The following RSAD1 variants were observed in gnomAD, a reference collection of about 807,000 sequenced individuals.
RSAD1 encodes radical S-adenosyl methionine domain-containing protein 1, mitochondrial.
Under a neutral mutation model 46.2 loss-of-function variants are expected in RSAD1, and 34 were observed. That is an observed-to-expected ratio of 0.74 (90% CI 0.56 to 0.98). The LOEUF is 0.98. RSAD1 is among the 50% of genes least tolerant of loss of function. The pLI, the probability that RSAD1 is intolerant of heterozygous loss-of-function variation, is 0.00. For synonymous variants in RSAD1, 260 were observed against 253.5 expected, an observed-to-expected ratio of 1.03 and a Z score of -0.24; for missense variants, 635 against 592.3, an observed-to-expected ratio of 1.07 and a Z score of -0.75.
At position 50,483,435 on chromosome 17, in the gene RSAD1, A is replaced by T. The variant is rs773023795; in HGVS notation, c.1000A>T (p.Met334Leu). 6 of 1,613,714 alleles carry T rather than the reference A, an allele frequency of 3.7e-6. No homozygotes were observed. In the South Asian group the frequency reaches 6.6e-5, roughly 18 times the overall value. ...LEPDNWMKEV[M>L]LFGHGTRKRV... is the part of the protein sequence containing the mutation. ...GCCTGACAACTGGATGAAGGAGGTG[A>T]TGCTGTTTGGCCATGGCACCCGGAA... Residue 334 changes from methionine to leucine, a missense_variant, in exon 6 of 9, where the codon ATG becomes TTG. Physicochemically the swap from Met to Leu is conservative, Grantham distance 15. Transcript: ENST00000258955.
chr17:50,480,343 A>G (rs1487995773), intron 3 of RSAD1: 2 of 512,624 alleles, frequency 3.9e-6, no homozygotes, highest in East Asian at 3.5e-5. Flanking sequence ...TAGGTGGTCA[A>G]AAAAGATTTG....
chr17:50,483,211 A>AAGAAAGACAAGAAAGAC, intron 5 of RSAD1, 129 bp from the exon 6 acceptor site: 1 of 963,630 alleles, frequency 1.0e-6, no homozygotes, highest in African/African-American at 2.1e-5. Flanking sequence ...GAAAGAAAGA[A>AAGAAAGACAAGAAAGAC]AAGAAAAGAA....
chr17:50,483,369 G>T lies in RSAD1; in HGVS notation c.934G>T (p.Ala312Ser). 2.5e-6 allele frequency: 4 copies of T among 1,613,992 alleles called. No individual in the cohort carries two copies. The highest frequency in any genetic ancestry group is 3.4e-6 in the Non-Finnish European group (4 of 1,179,948). Residue 312 changes from alanine to serine, a missense_variant, in exon 6 of 9, where the codon GCT (alanine) becomes TCT (serine). Transcript: ENST00000258955. ...CCATGGACGATTTATGCCCCAGGGG[G>T]CTGGAGGCCACACCCGGGAGGCTCG... ...GAHGRFMPQG[A>S]GGHTREARIQ...
intron 3 of RSAD1, 147 bp downstream of exon 3, chr17:50,480,231 C>T (rs1030497291): frequency 1.4e-6 from 1 of 739,046 alleles, no homozygotes; most frequent in Admixed American, 2.3e-5. Flanking sequence ...ACTTTTATAA[C>T]TCCTTAATTG....
At chr17:50,479,279 G>A (rs1034681229) in intron 1 of RSAD1, 3 of 476,212 alleles carry the variant, frequency 6.3e-6, no homozygotes, top group Non-Finnish European at 1.1e-5. Context: ...CTCTTAGCAA[G>A]ACAAAATTTT....
rs187026431 is a variant in RSAD1 at position 50,483,038 on chromosome 17, A to T, written c.905-302A>T. ...TCTTGGCATTTTGGGATAGATGATTAAAAAAAAAAGAAAAAGAAAAAAGGG... is the reference window on the plus strand; with the variant it reads ...TCTTGGCATTTTGGGATAGATGATTTAAAAAAAAAGAAAAAGAAAAAAGGG... On this transcript the variant is annotated intron_variant, in intron 5 of 8. Coordinates refer to ENST00000258955, the MANE Select transcript of RSAD1 (RefSeq NM_018346.3). 1.6e-3 allele frequency among the ~76,000 whole-genome samples: 232 copies of T among 143,584 alleles called. 2 individuals are homozygous for T. Among genetic ancestry groups the T allele is most frequent in the African/African-American group, 5.9e-3 (220 of 37,026 alleles). 94.2% of individuals were successfully genotyped at this position (143,584 alleles called of 152,430 possible).
At position 50,483,775 on chromosome 17, in the gene RSAD1, T is replaced by C; in HGVS notation, c.1107+15T>C. The C allele has an allele frequency of 6.2e-7, 1 of 1,602,414 alleles. No individual in the cohort carries two copies. Among genetic ancestry groups the C allele is most frequent in the East Asian group, 2.2e-5 (1 of 44,594 alleles). ...TCACTCACCAGGTAAGGAGTTAGGA[T>C]TCTTGCACACCACTCCCTCCTAAAG... is the stretch of plus-strand genomic sequence containing the variant. On this transcript the variant is annotated intron_variant, in intron 7 of 8. Coordinates refer to ENST00000258955, the MANE Select transcript of RSAD1 (RefSeq NM_018346.3).
Position 50,484,550 on chromosome 17 carries a change from G to A in RSAD1, c.1211+5G>A, listed in dbSNP as rs771271982. 3 of 1,612,442 alleles carry A rather than the reference G, an allele frequency of 1.9e-6. No homozygotes were observed. The highest frequency in any genetic ancestry group is 2.5e-6 in the Non-Finnish European group (3 of 1,179,678). On this transcript the variant is annotated splice_donor_5th_base_variant and intron_variant, in intron 8 of 8. Coordinates refer to ENST00000258955, the MANE Select transcript of RSAD1 (RefSeq NM_018346.3). ...CCTACTGCAGCTGGATCACAGGTGT[G>A]TTGGGGGGTGCCGGGCAGAGGGGGC... is the stretch of plus-strand genomic sequence containing the variant.
chr17:50,484,588 G>A, intron 8 of RSAD1, 43 bp downstream of exon 8: 3 of 1,590,628 alleles, frequency 1.9e-6, no homozygotes, highest in Non-Finnish European at 2.6e-6. Flanking sequence ...AGGCATACCA[G>A]GGAGCCCTGA....
At chr17:50,483,786 C>T (rs766909439) in intron 7 of RSAD1, 26 bp downstream of exon 7, 1 of 1,597,214 alleles carries the variant, frequency 6.3e-7, no homozygotes, top group East Asian at 2.2e-5. Flanking sequence ...TCTTGCACAC[C>T]ACTCCCTCCT....
chr17:50,479,613 C>G lies in RSAD1; in HGVS notation c.136-16C>G, dbSNP rs1449804593. The G allele has an allele frequency of 1.9e-6, 3 of 1,613,312 alleles. No individual in the cohort carries two copies. The highest frequency in any genetic ancestry group is 2.5e-6 in the Non-Finnish European group (3 of 1,179,986). The stretch of plus-strand genomic sequence containing the variant: ...CAGGGCAGCTCTCACCGCGCACGTG[C>G]ACTCACTGCCCCCAGTGGCCTTACT... On this transcript the variant is annotated splice_polypyrimidine_tract_variant and intron_variant, in intron 1 of 8. Transcript: ENST00000258955.
chr17:50,479,298 C>T, intron 1 of RSAD1: 1 of 474,220 alleles, frequency 2.1e-6, no homozygotes, highest in Middle Eastern at 5.5e-4. Flanking sequence ...TTCTTAAGAG[C>T]AGTGTTCTGA....
chr17:50,484,425 C>T lies in RSAD1; in HGVS notation c.1108-17C>T. 2 of 1,611,262 alleles carry T rather than the reference C, an allele frequency of 1.2e-6. No homozygotes were observed. Among genetic ancestry groups the T allele is most frequent in the Non-Finnish European group, 1.7e-6 (2 of 1,178,580 alleles). Reference sequence around the variant, plus strand: ...AGCCAGGCCAGCTCCCCACCTCTGACCCTCTGGCTTCCCCAGCACTGGCAG... The same window carrying T: ...AGCCAGGCCAGCTCCCCACCTCTGATCCTCTGGCTTCCCCAGCACTGGCAG... On this transcript the variant is annotated splice_polypyrimidine_tract_variant and intron_variant, in intron 7 of 8. Coordinates refer to ENST00000258955, the MANE Select transcript of RSAD1 (RefSeq NM_018346.3).
rs2033357159 is a variant in RSAD1 at position 50,479,723 on chromosome 17, C to G, written c.230C>G (p.Thr77Ser). 3.1e-6 allele frequency: 5 copies of G among 1,612,886 alleles called. No homozygotes were observed. The highest frequency in any genetic ancestry group is 4.2e-6 in the Non-Finnish European group (5 of 1,179,486). Reference protein sequence around the residue: ...EEAAMQKCLVTEAQTLLRLSG... With the variant: ...EEAAMQKCLVSEAQTLLRLSG... ...GCTGCCATGCAGAAGTGTCTGGTGA[C>G]CGAAGCTCAGACGCTGCTGCGGCTC... Residue 77 changes from threonine to serine, a missense_variant, in exon 2 of 9, where the codon ACC becomes AGC. By Grantham distance (58) the Thr-to-Ser change is moderately conservative. Transcript: ENST00000258955.
intron 4 of RSAD1, 48 bp downstream of exon 4, chr17:50,482,504 G>A (rs527637327): frequency 6.2e-6 from 10 of 1,606,378 alleles, no homozygotes; most frequent in Non-Finnish European, 7.6e-6. Context: ...GCAGACTGCA[G>A]TGTGACCAGG....
At chr17:50,483,855 AATTTCTGTGAGATTGGC>A (rs2033417264) in intron 7 of RSAD1, 95 bp downstream of exon 7, 2 of 1,207,230 alleles carry the variant, frequency 1.7e-6, no homozygotes, top group Non-Finnish European at 2.3e-6. Flanking sequence ...ATATACCTCC[AATTTCTGTGAGATTGGC>A]AGCTAGAAGT....
In RSAD1 at chr17:50,482,619, GCACTATTT is replaced by G. The variant is rs1181858151; in HGVS notation, c.841-22_841-15del. On this transcript the variant is annotated splice_polypyrimidine_tract_variant and intron_variant, in intron 4 of 8. Coordinates refer to ENST00000258955, the MANE Select transcript of RSAD1 (RefSeq NM_018346.3). Reference sequence around the variant, plus strand: ...AAATGAGGCCTGCCCTCTTCACTCTGCACTATTTCCTCCCTCCCCGCAGGGGGCGCTCA... The same window carrying G: ...AAATGAGGCCTGCCCTCTTCACTCTGCCTCCCTCCCCGCAGGGGGCGCTCA... 6 of 1,613,824 alleles carry G rather than the reference GCACTATTT, an allele frequency of 3.7e-6. No homozygotes were observed. Among genetic ancestry groups the G allele is most frequent in the Non-Finnish European group, 5.1e-6 (6 of 1,179,892 alleles).
chr17:50,482,184 G>A lies in RSAD1; in HGVS notation c.568G>A (p.Gly190Arg), dbSNP rs778646525. The A allele has an allele frequency of 3.2e-6, 5 of 1,578,528 alleles. No individual in the cohort carries two copies. The South Asian group carries it at 4.6e-5, about 15-fold the overall frequency. Residue 190 changes from glycine to arginine, a missense_variant, in exon 4 of 9, where the codon GGG becomes AGG. Gly to Arg is a moderately radical substitution (Grantham distance 125). Transcript: ENST00000258955. Reference protein sequence around the residue: ...TLAEARRLFPGRVSVDLMLGL... With the variant: ...TLAEARRLFPRRVSVDLMLGL... Reference sequence around the variant, plus strand: ...GGCAGAGGCCCGGCGCCTCTTTCCCGGGCGCGTGTCTGTAGACTTGATGCT... The same window carrying A: ...GGCAGAGGCCCGGCGCCTCTTTCCCAGGCGCGTGTCTGTAGACTTGATGCT...
intron 5 of RSAD1, 42 bp downstream of exon 5, chr17:50,482,748 A>T: frequency 6.3e-7 from 1 of 1,585,810 alleles, no homozygotes; most frequent in Non-Finnish European, 8.6e-7. Flanking sequence ...CAGGAGAGGA[A>T]TGTCGTGGCT....
Sources: allele counts gnomAD v4.1 joint callset (sites outside exome capture counted in the v4.1 genomes callset), GRCh38; gene constraint gnomAD v4.1.1; transcripts MANE v1.5; gene names NCBI Gene and HGNC (gene_info 2026-07-23, HGNC 2026-07-21).